The following NEDD9 variants were observed in gnomAD, a reference collection of about 807,000 sequenced individuals.
NEDD9 encodes enhancer of filamentation 1.
Under a neutral mutation model 76.6 loss-of-function variants are expected in NEDD9, and 26 were observed. That is an observed-to-expected ratio of 0.34 (90% CI 0.25 to 0.47). The LOEUF (loss-of-function observed/expected upper bound fraction) is 0.47, where lower values mean the gene tolerates loss of function less well. Among genes scored for constraint, NEDD9 ranks in the 20% least tolerant of loss-of-function variants. The pLI is 1.00. For synonymous variants in NEDD9, 392 were observed against 414.2 expected (o/e 0.95, Z 0.65); for missense variants, 937 against 1,058.5 (o/e 0.89, Z 1.59).
intron 3 of NEDD9, among the ~76,000 whole-genome samples, chr6:11,257,454 G>A (rs539400504): frequency 1.3e-5 from 2 of 152,140 alleles, no homozygotes; most frequent in African/African-American, 4.8e-5. Flanking sequence ...CTGAGGGCCC[G>A]TGAGTACATG....
intron 1 of NEDD9, among the ~76,000 whole-genome samples, chr6:11,360,024 T>G (rs1762650624): frequency 6.6e-6 from 1 of 152,226 alleles, no homozygotes; most frequent in African/African-American, 2.4e-5. Flanking sequence ...GTGGGATTCA[T>G]AACTAAACTG....
intron 1 of NEDD9, among the ~76,000 whole-genome samples, chr6:11,351,539 G>A (rs971244775): frequency 6.6e-6 from 1 of 152,216 alleles, no homozygotes; most frequent in Admixed American, 6.5e-5. Flanking sequence ...ACTTTCCCCT[G>A]AAGTAGGACA....
rs1357047102 is a variant in NEDD9 at position 11,250,890 on chromosome 6, T to A, written c.13-37163A>T. Among the ~76,000 whole-genome samples, 4 of 152,232 alleles carry A rather than the reference T, an allele frequency of 2.6e-5. 1 individual carries two copies. Among genetic ancestry groups the A allele is most frequent in the Non-Finnish European group, 5.9e-5 (4 of 68,042 alleles). ...TGACTTCGGGATAAAACTACACACCTGCAAATTCCTTACTACCTTTAATTA... is the reference window on the plus strand; with the variant it reads ...TGACTTCGGGATAAAACTACACACCAGCAAATTCCTTACTACCTTTAATTA... On this transcript the variant is annotated intron_variant, in intron 3 of 3. Coordinates refer to the NEDD9 transcript ENST00000397378.
intron 1 of NEDD9, among the ~76,000 whole-genome samples, chr6:11,355,486 C>T (rs1034453349): frequency 3.2e-4 from 49 of 152,134 alleles, no homozygotes; most frequent in Non-Finnish European, 6.6e-4. Flanking sequence ...CCTAGGGTGA[C>T]GAATTCATCC....
At chr6:11,282,944 C>T (rs1760566335) in intron 3 of NEDD9, among the ~76,000 whole-genome samples, 1 of 152,238 alleles carries the variant, frequency 6.6e-6, no homozygotes, top group Admixed American at 6.5e-5. Flanking sequence ...GTTATGATCA[C>T]CTACAATGCC....
chr6:11,230,701 G>T (rs933717745), intron 1 of NEDD9, among the ~76,000 whole-genome samples: 6 of 152,198 alleles, frequency 3.9e-5, no homozygotes, highest in Admixed American at 3.9e-4. Flanking sequence ...TTTTTTGCTG[G>T]TGAAGGTGCC....
At chr6:11,234,712 A>ATT (rs140513398), upstream of NEDD9, among the ~76,000 whole-genome samples, 10 of 136,952 alleles carry the variant, frequency 7.3e-5, no homozygotes, top group African/African-American at 1.6e-4. Flanking sequence ...AACATTTTTA[A>ATT]TTTTTTTTTT....
chr6:11,220,934 T>A (rs71548533), intron 1 of NEDD9, among the ~76,000 whole-genome samples: 17,401 of 150,576 alleles, frequency 0.12, 1,209 homozygotes, highest in Middle Eastern at 0.23. Context: ...GGGCAAAGAG[T>A]TAGTAGGCAG....
chr6:11,274,719 G>T (rs143683518), intron 3 of NEDD9, among the ~76,000 whole-genome samples: 1 of 152,198 alleles, frequency 6.6e-6, no homozygotes, highest in Non-Finnish European at 1.5e-5. Context: ...AACCAATGAT[G>T]TGTGTTGGTG....
At chr6:11,321,023 G>T (rs192092973) in intron 2 of NEDD9, among the ~76,000 whole-genome samples, 248 of 151,664 alleles carry the variant, frequency 1.6e-3, no homozygotes, top group African/African-American at 5.7e-3. Flanking sequence ...AAAAAAACCT[G>T]TTGAAGCATG....
At chr6:11,215,509 G>T (rs140047285) in intron 1 of NEDD9, among the ~76,000 whole-genome samples, 1 of 152,274 alleles carries the variant, frequency 6.6e-6, no homozygotes, top group East Asian at 1.9e-4. Flanking sequence ...TCCTAAAATT[G>T]TCTCTGTTTC....
chr6:11,184,715 T>C lies in NEDD9; in HGVS notation c.*447A>G, dbSNP rs1347962055. 6.4e-6 allele frequency: 1 copy of C among 155,368 alleles called. No homozygotes were observed. The highest frequency in any genetic ancestry group is 2.4e-5 in the African/African-American group (1 of 41,376). The allele number at this position is 155,368 out of a possible 1,614,324, so 9.6% of individuals were successfully genotyped here. A position where few individuals can be genotyped will look rare whatever the true frequency, so the allele number is the denominator to read the frequency against. ...AAACTATGCTTCCCAGATTTGGGAGTGCCAGGCTCAGAATCATCACAAGGA... is the reference window on the plus strand; with the variant it reads ...AAACTATGCTTCCCAGATTTGGGAGCGCCAGGCTCAGAATCATCACAAGGA... On this transcript the variant is annotated 3_prime_UTR_variant, in exon 7 of 7. Coordinates refer to ENST00000379446, the MANE Select transcript of NEDD9 (RefSeq NM_006403.4).
chr6:11,303,854 C>G (rs1761114861), intron 3 of NEDD9, among the ~76,000 whole-genome samples: 1 of 152,136 alleles, frequency 6.6e-6, no homozygotes, highest in South Asian at 2.1e-4. Context: ...CTGTAAAAAT[C>G]CTAAAAGAAA....
chr6:11,345,209 C>G (rs1289487577), intron 1 of NEDD9, among the ~76,000 whole-genome samples: 1 of 152,094 alleles, frequency 6.6e-6, no homozygotes, highest in Non-Finnish European at 1.5e-5. Context: ...AAGGGAATAT[C>G]AAAGATAACT....
chr6:11,204,719 CAA>C (rs58621043), intron 2 of NEDD9, among the ~76,000 whole-genome samples: 1 of 65,386 alleles, frequency 1.5e-5, no homozygotes, highest in African/African-American at 6.7e-5. Context: ...GGGTCCGTCT[CAA>C]AAAAAAAAAA....
At chr6:11,243,149 C>T (rs932160474) in intron 3 of NEDD9, among the ~76,000 whole-genome samples, 21 of 152,210 alleles carry the variant, frequency 1.4e-4, no homozygotes, top group Non-Finnish European at 2.9e-5. Context: ...TGCCCTCTAT[C>T]TTTCACTTGC....
chr6:11,211,839 G>A (rs560278609), intron 2 of NEDD9, among the ~76,000 whole-genome samples: 5 of 152,328 alleles, frequency 3.3e-5, no homozygotes, highest in African/African-American at 1.2e-4. Context: ...AAATGCATTA[G>A]TGCTTTGTTG....
At chr6:11,259,969 C>CACACACACACA (rs375110084) in intron 3 of NEDD9, among the ~76,000 whole-genome samples, 1 of 150,838 alleles carries the variant, frequency 6.6e-6, no homozygotes, top group East Asian at 2.0e-4. Context: ...CAGACACACA[C>CACACACACACA]CCCACCACAG....
chr6:11,267,370 G>A (rs1178377131), intron 3 of NEDD9, among the ~76,000 whole-genome samples: 2 of 149,312 alleles, frequency 1.3e-5, no homozygotes, highest in Non-Finnish European at 1.5e-5. Context: ...CTTTGATAAG[G>A]TCAGATGTCT....
Sources: gnomAD v4.1 joint callset for allele counts (sites outside exome capture counted in the v4.1 genomes callset) on GRCh38, gnomAD v4.1.1 for gene constraint, MANE v1.5 for transcripts, NCBI Gene and HGNC (gene_info 2026-07-23, HGNC 2026-07-21) for gene names.